Variants in ADAMTS10 observed in about 807,000 individuals in gnomAD.
ADAMTS10 encodes the protein A disintegrin and metalloproteinase with thrombospondin motifs 10.
ADAMTS10 carries 48 observed loss-of-function variants against 135.9 expected under a neutral mutation model. The ratio of observed to expected loss-of-function variants is 0.35; its 90% CI spans 0.28 to 0.45. The LOEUF (loss-of-function observed/expected upper bound fraction) is 0.45, where lower values mean the gene tolerates loss of function less well. Ranked by LOEUF, ADAMTS10 falls within the 20% of genes least tolerant of loss-of-function variation. The pLI is 1.00. For missense variants in ADAMTS10, 1,131 were observed against 1,565.2 expected, an observed-to-expected ratio of 0.72 and a Z score of 4.68; for synonymous variants, 621 against 647.5, an observed-to-expected ratio of 0.96 and a Z score of 0.62.
chr19:8,586,481 G>C lies in ADAMTS10; in HGVS notation c.2404-11C>G, dbSNP rs1555737241. 7 of 1,613,478 alleles carry C rather than the reference G, an allele frequency of 4.3e-6. No individual in the cohort carries two copies. The highest frequency in any genetic ancestry group is 5.9e-6 in the Non-Finnish European group (7 of 1,180,016). On this transcript the variant is annotated splice_polypyrimidine_tract_variant and intron_variant, in intron 20 of 25. Coordinates refer to ENST00000597188, the MANE Select transcript of ADAMTS10 (RefSeq NM_030957.4). ...GGTCCGGGCCAGCACCTGGAGAAAG[G>C]GGGCGGCAGCCAGTGGAAGGATCGC...
chr19:8,604,249 G>A (rs1332988750), intron 4 of ADAMTS10, among the ~76,000 whole-genome samples: 1 of 151,004 alleles, frequency 6.6e-6, no homozygotes, highest in Non-Finnish European at 1.5e-5. Context: ...TTTTCATAGA[G>A]ATGGGGTTCC....
chr19:8,595,201 G>T lies in ADAMTS10; in HGVS notation c.1479+561C>A, dbSNP rs369243998. 2.6e-5 allele frequency among the ~76,000 whole-genome samples: 4 copies of T among 152,030 alleles called. No homozygotes were observed. In the South Asian group the frequency reaches 6.2e-4, roughly 24 times the overall value. Reference sequence around the variant, plus strand: ...GAAGCCAGCAGGTCTTCAGCTTCCTGGGGGGAGCTGGGAGTGGAACCTCCT... The same window carrying T: ...GAAGCCAGCAGGTCTTCAGCTTCCTTGGGGGAGCTGGGAGTGGAACCTCCT... On this transcript the variant is annotated intron_variant, in intron 12 of 25. Transcript: ENST00000597188.
At position 8,585,680 on chromosome 19, in the gene ADAMTS10, C is replaced by A; in HGVS notation, c.2661-20G>T. 1.9e-6 allele frequency: 3 copies of A among 1,610,940 alleles called. No homozygotes were observed. In the South Asian group the frequency reaches 3.3e-5, roughly 18 times the overall value. On this transcript the variant is annotated intron_variant, in intron 22 of 25. Coordinates refer to ENST00000597188, the MANE Select transcript of ADAMTS10 (RefSeq NM_030957.4). ...ACCCAGCTGTAAGAGATGAAGGGGT[C>A]TGAGCAAGTAAGCAGGGCAGGGGGT...
chr19:8,580,822 C>T lies in ADAMTS10; in HGVS notation c.*71G>A. 5 of 1,328,786 alleles carry T rather than the reference C, an allele frequency of 3.8e-6. No individual in the cohort carries two copies. The highest frequency in any genetic ancestry group is 5.2e-6 in the Non-Finnish European group (5 of 955,116). 82.3% of individuals were successfully genotyped at this position (1,328,786 alleles called of 1,614,324 possible). On this transcript the variant is annotated 3_prime_UTR_variant, in exon 26 of 26. Transcript: ENST00000597188. The stretch of plus-strand genomic sequence containing the variant: ...CCCAGTTCCCGCCCCCCCGGGGCCC[C>T]CTCTGGCCGGCCCGCTGCAGGGCTG...
At chr19:8,602,094 G>C (rs904486720) in intron 5 of ADAMTS10, among the ~76,000 whole-genome samples, 9 of 152,130 alleles carry the variant, frequency 5.9e-5, no homozygotes, top group Non-Finnish European at 1.5e-5. Flanking sequence ...TGCCCAATTA[G>C]ATCAGTTAGT....
Position 8,580,838 on chromosome 19 carries a change from T to C in ADAMTS10, c.*55A>G. 2.1e-6 allele frequency: 3 copies of C among 1,448,324 alleles called. No homozygotes were observed. The highest frequency in any genetic ancestry group is 2.8e-6 in the Non-Finnish European group (3 of 1,057,970). 89.7% of individuals were successfully genotyped at this position (1,448,324 alleles called of 1,614,324 possible). Reference sequence around the variant, plus strand: ...CCGGGGCCCCCTCTGGCCGGCCCGCTGCAGGGCTGGCGGCGGAGACCCCGC... The same window carrying C: ...CCGGGGCCCCCTCTGGCCGGCCCGCCGCAGGGCTGGCGGCGGAGACCCCGC... On this transcript the variant is annotated 3_prime_UTR_variant, in exon 26 of 26. Coordinates refer to ENST00000597188, the MANE Select transcript of ADAMTS10 (RefSeq NM_030957.4).
At chr19:8,592,219 G>GGA (rs2146067203) in intron 13 of ADAMTS10, 116 bp from the exon 14 acceptor site, 16 of 1,449,078 alleles carry the variant, frequency 1.1e-5, no homozygotes, top group East Asian at 2.7e-5. Context: ...GGGATGGGCA[G>GGA]AGGCGGGGTC....
At chr19:8,591,768 C>G (rs782423542) in intron 15 of ADAMTS10, 32 bp downstream of exon 15, 1 of 1,612,638 alleles carries the variant, frequency 6.2e-7, no homozygotes, top group Non-Finnish European at 8.5e-7. Context: ...TGCTTCCTCC[C>G]CCCACCCCTC....
chr19:8,594,717 T>C (rs1319462254), intron 12 of ADAMTS10, among the ~76,000 whole-genome samples: 1 of 152,066 alleles, frequency 6.6e-6, no homozygotes, highest in East Asian at 1.9e-4. Flanking sequence ...TTGTCAGGAG[T>C]TTAGATGGTG....
chr19:8,585,794 A>G, intron 22 of ADAMTS10, 134 bp from the exon 23 acceptor site: 1 of 952,626 alleles, frequency 1.0e-6, no homozygotes, highest in South Asian at 1.5e-5. Context: ...GCACCTCCAC[A>G]TTCCACACTT....
At chr19:8,584,154 CAAA>C (rs34412373) in intron 25 of ADAMTS10, among the ~76,000 whole-genome samples, 1 of 44,892 alleles carries the variant, frequency 2.2e-5, no homozygotes, top group Non-Finnish European at 4.2e-5. Flanking sequence ...GACTCCATCT[CAAA>C]AAAAAAAAAA....
intron 13 of ADAMTS10, 67 bp downstream of exon 13, chr19:8,592,696 A>G (rs2042555290): frequency 1.4e-6 from 2 of 1,442,126 alleles, no homozygotes; most frequent in Non-Finnish European, 9.5e-7. Context: ...ACAGGCGGGT[A>G]GGCGTGGCCA....
chr19:8,609,480 C>G (rs2042757429), intron 1 of ADAMTS10, among the ~76,000 whole-genome samples: 1 of 152,112 alleles, frequency 6.6e-6, no homozygotes, highest in South Asian at 2.1e-4. Context: ...ACAGGGCCGA[C>G]GGAAGGTCCC....
In ADAMTS10 at chr19:8,580,708, G is replaced by T. The variant is rs2042332213; in HGVS notation, c.*185C>A. The T allele has an allele frequency of 1.7e-6, 1 of 593,682 alleles. No homozygotes were observed. Among genetic ancestry groups the T allele is most frequent in the South Asian group, 1.9e-5 (1 of 51,908 alleles). 36.8% of individuals were successfully genotyped at this position (593,682 alleles called of 1,614,324 possible). Reference sequence around the variant, plus strand: ...GGGCGGATGCTGAAGAGGGGCTCTGGGGGGATAGCCAGCCCCTCTCCATCC... The same window carrying T: ...GGGCGGATGCTGAAGAGGGGCTCTGTGGGGATAGCCAGCCCCTCTCCATCC... On this transcript the variant is annotated 3_prime_UTR_variant, in exon 26 of 26. Coordinates refer to ENST00000597188, the MANE Select transcript of ADAMTS10 (RefSeq NM_030957.4).
Position 8,601,362 on chromosome 19 carries a change from CTTT to C in ADAMTS10, c.593-220_593-218del, listed in dbSNP as rs373213602. On this transcript the variant is annotated intron_variant, in intron 5 of 25. Transcript: ENST00000597188. The surrounding 1 kb of genome is among the most constrained non-coding windows in gnomAD (Gnocchi z 4.6). Reference sequence around the variant, plus strand: ...CAAACACCTCATCGTTTTTCTTATTCTTTTTTTTTTTTTTTTTGAGACGGAGTA... The same window carrying C: ...CAAACACCTCATCGTTTTTCTTATTCTTTTTTTTTTTTTTGAGACGGAGTA... Among the ~76,000 whole-genome samples, 8 of 136,862 alleles carry C rather than the reference CTTT, an allele frequency of 5.8e-5. No homozygotes were observed. The highest frequency in any genetic ancestry group is 5.5e-5 in the African/African-American group (2 of 36,126). 89.8% of individuals were successfully genotyped at this position (136,862 alleles called of 152,430 possible). A position where few individuals can be genotyped will look rare whatever the true frequency, so the allele number is the denominator to read the frequency against.
chr19:8,602,187 C>T (rs1297973965), intron 5 of ADAMTS10, among the ~76,000 whole-genome samples: 5 of 152,108 alleles, frequency 3.3e-5, no homozygotes, highest in Non-Finnish European at 5.9e-5. Flanking sequence ...ACTGTGACAT[C>T]GTACGTCATC....
At chr19:8,602,581 A>C (rs2146096988) in intron 5 of ADAMTS10, among the ~76,000 whole-genome samples, 1 of 152,214 alleles carries the variant, frequency 6.6e-6, no homozygotes, top group African/African-American at 2.4e-5. Flanking sequence ...TCGGCCTCCC[A>C]AAATGCTGGG....
At chr19:8,609,234 C>CTGTGTGTGTGTGTG (rs35269308) in intron 1 of ADAMTS10, among the ~76,000 whole-genome samples, 1 of 139,832 alleles carries the variant, frequency 7.2e-6, no homozygotes, top group Non-Finnish European at 1.5e-5. Context: ...GTGTGTGACC[C>CTGTGTGTGTGTGTG]TGTGTGTGTG....
rs776014920 is a variant in ADAMTS10 at position 8,605,435 on chromosome 19, A to G, written c.89-77T>C. ...TGTGTCCTGGCTGTTAGGCTGCTGG[A>G]GCAAGTGATGCTGGCCTCACTGACC... On this transcript the variant is annotated intron_variant, in intron 3 of 25. Coordinates refer to ENST00000597188, the MANE Select transcript of ADAMTS10 (RefSeq NM_030957.4). This position sits in a 1 kb window ranked among gnomAD's most constrained non-coding sequence, Gnocchi z 7.7. The G allele has an allele frequency of 5.3e-6, 8 of 1,499,502 alleles. No individual in the cohort carries two copies. The highest frequency in any genetic ancestry group is 7.2e-6 in the Non-Finnish European group (8 of 1,103,558). The allele number at this position is 1,499,502 out of a possible 1,614,324, so 92.9% of individuals were successfully genotyped here.
Sources: allele counts gnomAD v4.1 joint callset (sites outside exome capture counted in the v4.1 genomes callset), GRCh38; gene constraint gnomAD v4.1.1; non-coding constraint Gnocchi (gnomAD v3.1); transcripts MANE v1.5; gene names NCBI Gene and HGNC (gene_info 2026-07-23, HGNC 2026-07-21).